The following SMURF1 variants were observed in gnomAD, a reference collection of about 807,000 sequenced individuals.
SMURF1 encodes SMAD specific E3 ubiquitin protein ligase 1.
A neutral mutation model predicts 98.0 loss-of-function variants in SMURF1; 44 were observed. The ratio of observed to expected loss-of-function variants is 0.45; its 90% CI spans 0.35 to 0.58. The LOEUF (loss-of-function observed/expected upper bound fraction) is 0.58, where lower values mean the gene tolerates loss of function less well. Among genes scored for constraint, SMURF1 ranks in the 20% least tolerant of loss-of-function variants. SMURF1 has a pLI of 0.00. For missense variants in SMURF1, 687 were observed against 938.4 expected (o/e 0.73, Z 3.50); for synonymous variants, 396 against 374.9 (o/e 1.06, Z -0.65).
At chr7:99,087,979 G>A (rs887349110) in intron 1 of SMURF1, among the ~76,000 whole-genome samples, 37 of 151,930 alleles carry the variant, frequency 2.4e-4, no homozygotes, top group Non-Finnish European at 4.6e-4. Flanking sequence ...GTATTTGGCC[G>A]GGAGCAGTGG....
chr7:99,039,239 G>A (rs1795277117), intron 13 of SMURF1, among the ~76,000 whole-genome samples: 1 of 151,028 alleles, frequency 6.6e-6, no homozygotes, highest in Non-Finnish European at 1.5e-5. Flanking sequence ...CTCCCTTAGA[G>A]GCAGCCTTCC....
chr7:99,066,372 T>G (rs1456964647), intron 1 of SMURF1, among the ~76,000 whole-genome samples: 1 of 152,198 alleles, frequency 6.6e-6, no homozygotes, highest in Non-Finnish European at 1.5e-5. Context: ...TGGTCACATG[T>G]CTCACAAATA....
chr7:99,114,104 T>C lies in SMURF1; in HGVS notation c.55+29622A>G, dbSNP rs567641404. On this transcript the variant is annotated intron_variant, in intron 1 of 17. Transcript: ENST00000361368. ...TGGACAGAACTATATAAGAGCAAAG[T>C]TTTTATATATCATTGAAACTAAGTT... Among the ~76,000 whole-genome samples, 85 of 152,032 alleles carry C rather than the reference T, an allele frequency of 5.6e-4. 1 individual carries two copies. Among genetic ancestry groups the C allele is most frequent in the African/African-American group, 2.0e-3 (81 of 41,466 alleles).
intron 1 of SMURF1, among the ~76,000 whole-genome samples, chr7:99,077,851 C>G (rs1264484372): frequency 1.3e-5 from 2 of 152,054 alleles, no homozygotes; most frequent in Non-Finnish European, 2.9e-5. Context: ...CAGAAAAATA[C>G]AAAGTTTTGA....
chr7:99,059,071 G>A (rs60514445), intron 3 of SMURF1, among the ~76,000 whole-genome samples: 17,739 of 147,674 alleles, frequency 0.12, 1,103 homozygotes, highest in East Asian at 0.23. Flanking sequence ...GCAACAGAGC[G>A]AGACTCTGTT....
intron 1 of SMURF1, among the ~76,000 whole-genome samples, chr7:99,100,661 T>C (rs1221730123): frequency 6.6e-6 from 1 of 152,260 alleles, no homozygotes; most frequent in Admixed American, 6.5e-5. Context: ...AAAGCAGATT[T>C]ATTTGAATAA....
At chr7:99,040,705 G>T in intron 12 of SMURF1, 149 bp from the exon 13 acceptor site, 1 of 665,960 alleles carries the variant, frequency 1.5e-6, no homozygotes, top group Non-Finnish European at 2.2e-6. Context: ...TCCTGAACAA[G>T]TGAAAGAAGG....
chr7:99,029,050 C>A lies in SMURF1; in HGVS notation c.*1534G>T, dbSNP rs1410820500. 6.6e-6 allele frequency: 1 copy of A among 152,620 alleles called. No individual in the cohort carries two copies. The highest frequency in any genetic ancestry group is 2.4e-5 in the African/African-American group (1 of 41,448). The allele number at this position is 152,620 out of a possible 1,614,324, so 9.5% of individuals were successfully genotyped here. ...GATTAAACTTTCCTCCTGCAGCAAA[C>A]CTCATTTGGCAGCCCTTCTATTCTA... On this transcript the variant is annotated 3_prime_UTR_variant, in exon 18 of 18. Transcript: ENST00000361368.
At chr7:99,118,325 C>T (rs1425438884) in intron 1 of SMURF1, among the ~76,000 whole-genome samples, 1 of 152,270 alleles carries the variant, frequency 6.6e-6, no homozygotes, top group African/African-American at 2.4e-5. Flanking sequence ...AAAACATATG[C>T]ATATGTTCAC....
chr7:99,120,391 A>G (rs1225216518), intron 1 of SMURF1, among the ~76,000 whole-genome samples: 1 of 152,190 alleles, frequency 6.6e-6, no homozygotes, highest in Non-Finnish European at 1.5e-5. Context: ...ATCATTGTCT[A>G]TTACTACCTA....
chr7:99,035,392 G>T, intron 16 of SMURF1, 123 bp downstream of exon 16: 2 of 1,154,202 alleles, frequency 1.7e-6, no homozygotes, highest in Non-Finnish European at 2.5e-6. Context: ...AGCTACTGGA[G>T]AACATTCCTT....
chr7:99,098,605 A>G (rs1293934965), intron 1 of SMURF1, among the ~76,000 whole-genome samples: 1 of 152,132 alleles, frequency 6.6e-6, no homozygotes, highest in Non-Finnish European at 1.5e-5. Context: ...TTGGAGCTTC[A>G]TTGACAAAGA....
chr7:99,059,040 C>T (rs550471309), intron 3 of SMURF1, among the ~76,000 whole-genome samples: 34 of 152,114 alleles, frequency 2.2e-4, no homozygotes, highest in African/African-American at 7.0e-4. Context: ...GCCAAGATTG[C>T]GCCACTGCGC....
intron 1 of SMURF1, among the ~76,000 whole-genome samples, chr7:99,079,558 A>G (rs753921947): frequency 5.3e-5 from 8 of 152,246 alleles, no homozygotes; most frequent in Non-Finnish European, 1.2e-4. Flanking sequence ...TCAAACACAC[A>G]TGGAATTTAG....
intron 1 of SMURF1, among the ~76,000 whole-genome samples, chr7:99,111,005 G>A (rs1797306654): frequency 6.6e-6 from 1 of 152,178 alleles, no homozygotes; most frequent in African/African-American, 2.4e-5. Flanking sequence ...TTTGCATGTT[G>A]AGAACCATGG....
chr7:99,138,238 G>A (rs946086146), intron 1 of SMURF1, among the ~76,000 whole-genome samples: 6 of 152,164 alleles, frequency 3.9e-5, no homozygotes, highest in Admixed American at 2.0e-4. Flanking sequence ...AGAGCATGGC[G>A]AAGATATCAA....
Position 99,094,841 on chromosome 7 carries a change from T to C in SMURF1, c.56-33004A>G, listed in dbSNP as rs546180594. On this transcript the variant is annotated intron_variant, in intron 1 of 17. Transcript: ENST00000361368. Reference sequence around the variant, plus strand: ...AAAAGTTTCATGCAAAAAATTATTTTATGCCACGCTGTCAAACAGCCTACA... The same window carrying C: ...AAAAGTTTCATGCAAAAAATTATTTCATGCCACGCTGTCAAACAGCCTACA... Among the ~76,000 whole-genome samples the C allele has an allele frequency of 4.6e-5, 7 of 152,268 alleles. No homozygotes were observed. The South Asian group carries it at 1.4e-3, about 32-fold the overall frequency.
chr7:99,068,722 G>A (rs762268850), intron 1 of SMURF1, among the ~76,000 whole-genome samples: 1 of 152,124 alleles, frequency 6.6e-6, no homozygotes, highest in African/African-American at 2.4e-5. Context: ...TTCTCCCTGG[G>A]TATTAAGATT....
At chr7:99,136,701 C>T (rs1031985757) in intron 1 of SMURF1, among the ~76,000 whole-genome samples, 25 of 152,202 alleles carry the variant, frequency 1.6e-4, no homozygotes, top group African/African-American at 5.5e-4. Flanking sequence ...CTGTAATCCA[C>T]GTACTTTGGG....
Sources: allele counts gnomAD v4.1 joint callset (sites outside exome capture counted in the v4.1 genomes callset), GRCh38; gene constraint gnomAD v4.1.1; transcripts MANE v1.5; gene names NCBI Gene and HGNC (gene_info 2026-07-23, HGNC 2026-07-21).